The following MPRIP variants were observed in gnomAD, a reference collection of about 807,000 sequenced individuals.
MPRIP encodes the protein myosin phosphatase Rho interacting protein, also known as myosin phosphatase Rho-interacting protein.
In MPRIP, 59 loss-of-function variants were observed where a neutral mutation model predicts 234.9. The observed-to-expected ratio is 0.25, with a 90% CI of 0.20 to 0.31. MPRIP has a LOEUF of 0.31. Ranked by LOEUF, MPRIP falls within the 10% of genes least tolerant of loss-of-function variation. The pLI, the probability that MPRIP is intolerant of heterozygous loss-of-function variation, is 1.00. For synonymous variants in MPRIP, 1,144 were observed against 1,263.9 expected (o/e 0.91, Z 2.01); for missense variants, 2,436 against 3,071.0 (o/e 0.79, Z 4.89).
intron 3 of MPRIP, among the ~76,000 whole-genome samples, chr17:17,111,445 C>T (rs2090169632): frequency 6.6e-6 from 1 of 152,138 alleles, no homozygotes; most frequent in South Asian, 2.1e-4. Flanking sequence ...AGTGGGGGCT[C>T]AGCAGGGAGC....
intron 1 of MPRIP, 92 bp from the exon 2 acceptor site, chr17:17,075,618 T>C: frequency 9.3e-7 from 1 of 1,080,736 alleles, no homozygotes; most frequent in Non-Finnish European, 1.4e-6. Context: ...AGAGGCAACA[T>C]CTGTTTCCAG....
intron 3 of MPRIP, among the ~76,000 whole-genome samples, chr17:17,116,373 C>G (rs773818361): frequency 2.0e-5 from 3 of 152,206 alleles, no homozygotes; most frequent in Non-Finnish European, 4.4e-5. Flanking sequence ...AACCGTGGGT[C>G]TCCCAGGCCA....
At chr17:17,060,964 T>C (rs952813144) in intron 1 of MPRIP, among the ~76,000 whole-genome samples, 1 of 152,218 alleles carries the variant, frequency 6.6e-6, no homozygotes, top group Non-Finnish European at 1.5e-5. Flanking sequence ...GCCTGTGGCC[T>C]CTTGAGGGGT....
rs2046574059 is a variant in MPRIP, at chr17:17,190,925, A to G, written c.*6031A>G. The G allele has an allele frequency of 2.0e-5, 3 of 152,222 alleles. No homozygotes were observed. The South Asian group carries it at 6.2e-4, about 32-fold the overall frequency. The allele number at this position is 152,222 out of a possible 1,614,324, so 9.4% of individuals were successfully genotyped here. ...AGCAAGCAATGTAAATATTACTGAG[A>G]AGTTACTGCAGGGATTTTTGTGACA... is the stretch of plus-strand genomic sequence containing the variant. On this transcript the variant is annotated 3_prime_UTR_variant, in exon 24 of 24. Transcript: ENST00000651222.
Position 17,143,799 on chromosome 17 carries a change from ACCCCCACC to A in MPRIP, c.1503+132_1503+139del, listed in dbSNP as rs2144515225. ...TGCACAGGCCCTCGTGTCCGTGAGCACCCCCACCCACCGACCCACAGGCCGTCGAACAC... is the reference window on the plus strand; with the variant it reads ...TGCACAGGCCCTCGTGTCCGTGAGCACACCGACCCACAGGCCGTCGAACAC... On this transcript the variant is annotated intron_variant, in intron 9 of 23. Transcript: ENST00000651222. The A allele has an allele frequency of 6.3e-6, 3 of 472,498 alleles. No homozygotes were observed. The East Asian group carries it at 1.1e-4, about 17-fold the overall frequency. 29.3% of individuals were successfully genotyped at this position (472,498 alleles called of 1,614,324 possible).
rs1487399672 is a variant in MPRIP at position 17,172,598 on chromosome 17, A to T, written c.6473-100A>T. On this transcript the variant is annotated intron_variant, in intron 17 of 23. Transcript: ENST00000651222. ...GCTGATTGACTAAGCAAGCATCAGC[A>T]GTGGCAGGCGCCATCCCATTGTGTG... The T allele has an allele frequency of 8.4e-6, 7 of 835,620 alleles. No homozygotes were observed. The East Asian group carries it at 1.8e-4, about 21-fold the overall frequency. 51.8% of individuals were successfully genotyped at this position (835,620 alleles called of 1,614,324 possible).
chr17:17,149,123 C>T (rs1418271621), intron 11 of MPRIP, among the ~76,000 whole-genome samples: 1 of 152,132 alleles, frequency 6.6e-6, no homozygotes, highest in Admixed American at 6.5e-5. Flanking sequence ...ATTTCAGATA[C>T]CACATTGCAG....
At chr17:17,068,109 C>CT (rs1289174569) in intron 1 of MPRIP, among the ~76,000 whole-genome samples, 9 of 150,444 alleles carry the variant, frequency 6.0e-5, no homozygotes, top group Non-Finnish European at 8.9e-5. Flanking sequence ...GCCATTATGT[C>CT]TTTTTTTTTC....
chr17:17,045,045 T>C (rs1351432811), intron 1 of MPRIP, among the ~76,000 whole-genome samples: 3 of 152,160 alleles, frequency 2.0e-5, no homozygotes, highest in Admixed American at 6.5e-5. Flanking sequence ...TCCCTCTCAC[T>C]CTCATCCTTA....
intron 5 of MPRIP, among the ~76,000 whole-genome samples, chr17:17,132,971 G>A (rs2090626932): frequency 6.6e-6 from 1 of 152,180 alleles, no homozygotes; most frequent in South Asian, 2.1e-4. Flanking sequence ...TTTCCATGGT[G>A]ATGCCTTGGA....
intron 20 of MPRIP, 110 bp downstream of exon 20, chr17:17,175,522 A>G (rs2046236740): frequency 7.5e-7 from 1 of 1,337,020 alleles, no homozygotes. Context: ...GACCTGAGAC[A>G]GCAGGAGTCA....
rs181358277 is a variant in MPRIP at position 17,138,207 on chromosome 17, A to G, written c.1028A>G (p.Tyr343Cys). 3.1e-4 allele frequency: 250 copies of G among 800,808 alleles called. No homozygotes were observed. The East Asian group carries it at 3.4e-3, about 11-fold the overall frequency. 49.6% of individuals were successfully genotyped at this position (800,808 alleles called of 1,614,324 possible). A position where few individuals can be genotyped will look rare whatever the true frequency, so the allele number is the denominator to read the frequency against. Residue 343 changes from tyrosine to cysteine, a missense_variant, in exon 7 of 24, where the codon TAC becomes TGC. Coordinates refer to ENST00000651222, the MANE Select transcript of MPRIP (RefSeq NM_001364716.4). The surrounding 1 kb of genome is among the most constrained non-coding windows in gnomAD (Gnocchi z 5.8). Reference sequence around the variant, plus strand: ...GATGTGGCCAGCCAGCCACCTGCCTACGTGGACTCTGGCAGCACTAGGGGG... The same window carrying G: ...GATGTGGCCAGCCAGCCACCTGCCTGCGTGGACTCTGGCAGCACTAGGGGG... ...SLDVASQPPA[Y>C]VDSGSTRGRG...
chr17:17,172,325 C>A (rs952742675), intron 17 of MPRIP, among the ~76,000 whole-genome samples: 1 of 152,260 alleles, frequency 6.6e-6, no homozygotes, highest in Non-Finnish European at 1.5e-5. Flanking sequence ...TATGTAATCG[C>A]CACCTCAGTG....
chr17:17,108,320 A>C (rs2090103076), intron 3 of MPRIP, among the ~76,000 whole-genome samples: 1 of 152,176 alleles, frequency 6.6e-6, no homozygotes, highest in East Asian at 1.9e-4. Flanking sequence ...GCTGTAAGTG[A>C]CTTAATACAG....
chr17:17,175,387 A>G lies in MPRIP; in HGVS notation c.6845A>G (p.Gln2282Arg). 5 of 1,612,448 alleles carry G rather than the reference A, an allele frequency of 3.1e-6. No individual in the cohort carries two copies. The highest frequency in any genetic ancestry group is 4.2e-6 in the Non-Finnish European group (5 of 1,179,532). ...GGEATGSPLA[Q>R]GKDAYELEVL... ...GAGGCCACTGGGTCACCCCTTGCAC[A>G]GGGCAAGGATGCCTATGAACTAGAG... Residue 2282 changes from glutamine (Q) to arginine (R), a missense_variant, in exon 20 of 24, where the codon CAG becomes CGG. Physicochemically the swap from Gln to Arg is conservative, Grantham distance 43. This residue lies in a region of MPRIP where 1,998 missense variants were observed against 2,520.3 expected (regional missense o/e 0.79). Transcript: ENST00000651222.
chr17:17,059,841 G>A (rs1408214134), intron 1 of MPRIP, among the ~76,000 whole-genome samples: 1 of 152,208 alleles, frequency 6.6e-6, no homozygotes, highest in East Asian at 1.9e-4. Flanking sequence ...AGTCTGCAGG[G>A]TCCCGGGTGG....
intron 5 of MPRIP, among the ~76,000 whole-genome samples, chr17:17,133,133 G>A (rs1032891481): frequency 2.0e-5 from 3 of 152,104 alleles, no homozygotes; most frequent in African/African-American, 4.8e-5. Context: ...CAACTTTTTT[G>A]TTGGTAGAAG....
chr17:17,146,840 TTAC>T (rs1467834012), intron 10 of MPRIP, among the ~76,000 whole-genome samples: 1 of 152,264 alleles, frequency 6.6e-6, no homozygotes, highest in East Asian at 1.9e-4. Context: ...GTTCCCTTCC[TTAC>T]TGCTCACAGT....
At chr17:17,073,218 C>T (rs554520366) in intron 1 of MPRIP, among the ~76,000 whole-genome samples, 2 of 152,220 alleles carry the variant, frequency 1.3e-5, no homozygotes, top group African/African-American at 2.4e-5. Flanking sequence ...GGCCCTACAT[C>T]TCGCTCTCTG....
Sources: allele counts gnomAD v4.1 joint callset (sites outside exome capture counted in the v4.1 genomes callset), GRCh38; gene constraint gnomAD v4.1.1; regional missense constraint gnomAD v4.1.1; non-coding constraint Gnocchi (gnomAD v3.1); transcripts MANE v1.5; gene names NCBI Gene and HGNC (gene_info 2026-07-23, HGNC 2026-07-21).